The following MGAT4C variants were observed in gnomAD, a reference collection of about 807,000 sequenced individuals.
MGAT4C encodes the protein MGAT4 family member C.
Under a neutral mutation model 40.1 loss-of-function variants are expected in MGAT4C, and 19 were observed. The ratio of observed to expected loss-of-function variants is 0.47; its 90% CI spans 0.33 to 0.70. The LOEUF is 0.70. MGAT4C is among the 30% of genes least tolerant of loss of function. The pLI is 0.02. For synonymous variants in MGAT4C, 181 were observed against 187.1 expected (o/e 0.97, Z 0.27); for missense variants, 491 against 563.2 (o/e 0.87, Z 1.30).
intron 1 of MGAT4C, among the ~76,000 whole-genome samples, chr12:86,765,774 T>A (rs1450454208): frequency 6.6e-6 from 1 of 152,050 alleles, no homozygotes; most frequent in African/African-American, 2.4e-5. Flanking sequence ...CTAAGCTTCA[T>A]AAGTGAAGGA....
At chr12:86,020,482 G>A (rs1889591323) in intron 2 of MGAT4C, among the ~76,000 whole-genome samples, 1 of 152,140 alleles carries the variant, frequency 6.6e-6, no homozygotes, top group Admixed American at 6.5e-5. Flanking sequence ...ACAAGAGATG[G>A]GGAAAGGATT....
intron 1 of MGAT4C, among the ~76,000 whole-genome samples, chr12:86,767,872 T>A (rs370177072): frequency 6.6e-6 from 1 of 152,156 alleles, no homozygotes; most frequent in Non-Finnish European, 1.5e-5. Flanking sequence ...TATCTCAAAA[T>A]AATAAGAGCT....
intron 3 of MGAT4C, among the ~76,000 whole-genome samples, chr12:86,405,902 A>G (rs1257790929): frequency 2.0e-5 from 2 of 100,812 alleles, no homozygotes; most frequent in African/African-American, 6.8e-5. Flanking sequence ...CTGGACATAC[A>G]TAGGTAATAT....
chr12:86,629,931 C>CA (rs1477366702), intron 2 of MGAT4C, among the ~76,000 whole-genome samples: 5 of 151,938 alleles, frequency 3.3e-5, no homozygotes, highest in African/African-American at 4.8e-5. Flanking sequence ...GACAGAGGCA[C>CA]AAAAAACCAT....
chr12:86,388,684 T>G (rs1011611867), intron 3 of MGAT4C, among the ~76,000 whole-genome samples: 7 of 147,494 alleles, frequency 4.7e-5, no homozygotes, highest in East Asian at 3.9e-4. Context: ...TGTTTTTTTT[T>G]TTTTTTTTTT....
intron 2 of MGAT4C, among the ~76,000 whole-genome samples, chr12:86,512,033 C>A (rs1338420935): frequency 6.6e-6 from 1 of 151,692 alleles, no homozygotes; most frequent in Non-Finnish European, 1.5e-5. Flanking sequence ...ATTAAAAAAC[C>A]TACAATGCAA....
chr12:86,793,028 C>T (rs1952052990), intron 1 of MGAT4C, among the ~76,000 whole-genome samples: 2 of 152,148 alleles, frequency 1.3e-5, no homozygotes, highest in Non-Finnish European at 2.9e-5. Context: ...TATTCTATTC[C>T]TCAAATAGTG....
chr12:86,611,180 G>A (rs550441202), intron 2 of MGAT4C, among the ~76,000 whole-genome samples: 2 of 152,010 alleles, frequency 1.3e-5, no homozygotes, highest in African/African-American at 2.4e-5. Context: ...TTTAGAGAAC[G>A]ATACAAAAAT....
intron 1 of MGAT4C, among the ~76,000 whole-genome samples, chr12:86,076,637 G>A (rs999168583): frequency 6.6e-6 from 1 of 152,170 alleles, no homozygotes; most frequent in African/African-American, 2.4e-5. Flanking sequence ...TTACAGGGCG[G>A]TGGCAAGAGA....
At chr12:86,163,838 T>A (rs1885883872) in intron 1 of MGAT4C, among the ~76,000 whole-genome samples, 1 of 152,200 alleles carries the variant, frequency 6.6e-6, no homozygotes, top group Admixed American at 6.5e-5. Flanking sequence ...AATTTATATT[T>A]TGCAAATCCT....
chr12:86,492,348 A>G (rs943163121), intron 2 of MGAT4C, among the ~76,000 whole-genome samples: 2 of 152,164 alleles, frequency 1.3e-5, no homozygotes, highest in African/African-American at 4.8e-5. Flanking sequence ...AGTCAATCCT[A>G]AGCCAAAAGA....
At chr12:86,823,480 C>G (rs374262898) in intron 1 of MGAT4C, among the ~76,000 whole-genome samples, 1 of 150,994 alleles carries the variant, frequency 6.6e-6, no homozygotes, top group Admixed American at 6.6e-5. Flanking sequence ...CAGATAATTA[C>G]GTCTACAGGG....
At chr12:86,316,360 T>C (rs887136486) in intron 4 of MGAT4C, among the ~76,000 whole-genome samples, 3 of 152,194 alleles carry the variant, frequency 2.0e-5, no homozygotes, top group Non-Finnish European at 2.9e-5. Flanking sequence ...GCAATCCAAT[T>C]ACTGGCTATA....
At chr12:86,118,783 C>T (rs1237738516) in intron 1 of MGAT4C, among the ~76,000 whole-genome samples, 1 of 151,944 alleles carries the variant, frequency 6.6e-6, no homozygotes, top group Non-Finnish European at 1.5e-5. Flanking sequence ...GGAATTATAG[C>T]AAATAAAATG....
chr12:86,657,236 A>G (rs899219570), intron 2 of MGAT4C, among the ~76,000 whole-genome samples: 1 of 152,042 alleles, frequency 6.6e-6, no homozygotes, highest in Non-Finnish European at 1.5e-5. Flanking sequence ...AAGAAAAAAC[A>G]TATAAAGCTT....
intron 1 of MGAT4C, among the ~76,000 whole-genome samples, chr12:86,067,671 C>T (rs1371257999): frequency 1.3e-5 from 2 of 152,042 alleles, no homozygotes; most frequent in Non-Finnish European, 2.9e-5. Flanking sequence ...CAAACCTGCA[C>T]TTTCTGCACA....
intron 3 of MGAT4C, among the ~76,000 whole-genome samples, chr12:86,363,438 A>T (rs1955526378): frequency 6.6e-6 from 1 of 152,176 alleles, no homozygotes; most frequent in Admixed American, 6.5e-5. Context: ...ATGCAACATA[A>T]AATGTGTAGG....
At chr12:86,805,274 T>C (rs1309960680) in intron 1 of MGAT4C, among the ~76,000 whole-genome samples, 1 of 151,952 alleles carries the variant, frequency 6.6e-6, no homozygotes, top group Non-Finnish European at 1.5e-5. Context: ...TACCTGGGTA[T>C]AGTGTGTGAT....
rs115961139 is a variant in MGAT4C, at chr12:86,311,198, T to C, written c.-57+22867A>G. Among the ~76,000 whole-genome samples the C allele has an allele frequency of 2.3e-3, 354 of 152,288 alleles. 1 individual carries two copies. The highest frequency in any genetic ancestry group is 7.9e-3 in the African/African-American group (328 of 41,574). Reference sequence around the variant, plus strand: ...AGTGTACCTACACAAACCTAAATGGTGTAGCCTACTACACACCTAGGCTAT... The same window carrying C: ...AGTGTACCTACACAAACCTAAATGGCGTAGCCTACTACACACCTAGGCTAT... On this transcript the variant is annotated intron_variant, in intron 4 of 7. Transcript: ENST00000548651.
Sources: allele counts gnomAD v4.1 joint callset (sites outside exome capture counted in the v4.1 genomes callset), GRCh38; gene constraint gnomAD v4.1.1; transcripts MANE v1.5; gene names NCBI Gene and HGNC (gene_info 2026-07-23, HGNC 2026-07-21).